Variants in PCSK5 observed in about 807,000 individuals in gnomAD.
The protein encoded by PCSK5 is prohormone convertase 5.
Under a neutral mutation model 233.2 loss-of-function variants are expected in PCSK5, and 129 were observed. The ratio of observed to expected loss-of-function variants is 0.55; its 90% CI spans 0.48 to 0.64. The LOEUF is 0.64. PCSK5 is among the 30% of genes least tolerant of loss of function. The pLI is 0.00. For synonymous variants in PCSK5, 825 were observed against 879.2 expected (o/e 0.94, Z 1.09); for missense variants, 2,076 against 2,430.1 (o/e 0.85, Z 3.06).
At chr9:76,167,836 T>C (rs1217284259) in intron 12 of PCSK5, among the ~76,000 whole-genome samples, 2 of 150,972 alleles carry the variant, frequency 1.3e-5, no homozygotes, top group Non-Finnish European at 2.9e-5. Context: ...CATCAAACTT[T>C]AGTTACCATA....
At chr9:76,235,208 A>C (rs192932105) in intron 22 of PCSK5, among the ~76,000 whole-genome samples, 57 of 152,350 alleles carry the variant, frequency 3.7e-4, no homozygotes, top group African/African-American at 1.3e-3. Flanking sequence ...TAAGACCAGC[A>C]GTCAGAAAAT....
At chr9:76,028,378 A>G (rs1828515664) in intron 5 of PCSK5, among the ~76,000 whole-genome samples, 1 of 152,180 alleles carries the variant, frequency 6.6e-6, no homozygotes, top group Non-Finnish European at 1.5e-5. Context: ...TTATTGCTCA[A>G]ATCAGCCTCC....
intron 2 of PCSK5, among the ~76,000 whole-genome samples, chr9:75,933,408 G>C (rs969802628): frequency 6.6e-6 from 1 of 152,032 alleles, no homozygotes; most frequent in African/African-American, 2.4e-5. Flanking sequence ...CCCTCCTTAC[G>C]ATTTGGGTTT....
At chr9:76,257,091 A>G (rs1208699816) in intron 24 of PCSK5, among the ~76,000 whole-genome samples, 1 of 152,192 alleles carries the variant, frequency 6.6e-6, no homozygotes, top group Non-Finnish European at 1.5e-5. Context: ...CTGTTGGTGT[A>G]TCTGAAGCCA....
intron 7 of PCSK5, among the ~76,000 whole-genome samples, chr9:76,080,005 C>G (rs1009526728): frequency 6.6e-6 from 1 of 152,186 alleles, no homozygotes; most frequent in African/African-American, 2.4e-5. Context: ...TGCATCCCAA[C>G]TTGATCATGG....
In PCSK5 at chr9:76,085,497, A is replaced by G. The variant is rs112732392; in HGVS notation, c.895-10393A>G. 5.0e-3 allele frequency among the ~76,000 whole-genome samples: 755 copies of G among 152,328 alleles called. 8 individuals carry two copies. Among genetic ancestry groups the G allele is most frequent in the African/African-American group, 0.015 (611 of 41,586 alleles). The stretch of plus-strand genomic sequence containing the variant: ...CACATATGAAGTATGCAGTCCTGCA[A>G]TGGGTTTCTTTTAAAAGGAAGGGCC... On this transcript the variant is annotated intron_variant, in intron 7 of 37. Transcript: ENST00000674117.
At chr9:75,980,941 A>G (rs547542943) in intron 2 of PCSK5, among the ~76,000 whole-genome samples, 1 of 152,156 alleles carries the variant, frequency 6.6e-6, no homozygotes, top group Non-Finnish European at 1.5e-5. Flanking sequence ...TAAAAACAAC[A>G]CCCAAGATGC....
intron 13 of PCSK5, among the ~76,000 whole-genome samples, chr9:76,174,159 G>A (rs956171287): frequency 6.6e-6 from 1 of 152,024 alleles, no homozygotes; most frequent in Non-Finnish European, 1.5e-5. Context: ...ATAATCAAAT[G>A]TTTAATGGCT....
intron 24 of PCSK5, among the ~76,000 whole-genome samples, chr9:76,291,086 A>C (rs190572356): frequency 3.3e-5 from 5 of 152,268 alleles, no homozygotes; most frequent in Non-Finnish European, 4.4e-5. Flanking sequence ...AAGGTTCTGC[A>C]GATCCCTGCT....
At chr9:75,990,524 T>C (rs1826723638) in intron 3 of PCSK5, among the ~76,000 whole-genome samples, 1 of 152,172 alleles carries the variant, frequency 6.6e-6, no homozygotes, top group Non-Finnish European at 1.5e-5. Context: ...AGTTGGAGGG[T>C]TAATCCTAGA....
chr9:76,207,247 A>G (rs1399589794), intron 20 of PCSK5, among the ~76,000 whole-genome samples: 1 of 152,202 alleles, frequency 6.6e-6, no homozygotes, highest in Non-Finnish European at 1.5e-5. Context: ...GGTAATACTC[A>G]CAGGTCCCAG....
In PCSK5 at chr9:76,362,745, T is replaced by C. The variant is rs1830450286; in HGVS notation, c.*3823T>C. ...TTATCTATAGATTCCAGACATTGTA[T>C]GGAAGAGCATTGTAAAAATCCCTGT... On this transcript the variant is annotated 3_prime_UTR_variant, in exon 38 of 38. Transcript: ENST00000674117. 6.6e-6 allele frequency among the ~76,000 whole-genome samples: 1 copy of C among 152,264 alleles called. No homozygotes were observed. The highest frequency in any genetic ancestry group is 1.5e-5 in the Non-Finnish European group (1 of 68,042).
At chr9:76,331,666 CAAAA>C (rs368431038) in intron 33 of PCSK5, among the ~76,000 whole-genome samples, 1 of 119,648 alleles carries the variant, frequency 8.4e-6, no homozygotes. Flanking sequence ...GACTCCATCT[CAAAA>C]AAAAAAAAAA....
chr9:76,203,924 G>C (rs955402061), intron 20 of PCSK5, among the ~76,000 whole-genome samples: 1 of 152,218 alleles, frequency 6.6e-6, no homozygotes, highest in Non-Finnish European at 1.5e-5. Flanking sequence ...TGTGATCTTA[G>C]GGAACACATT....
chr9:76,232,026 G>T, intron 21 of PCSK5, among the ~76,000 whole-genome samples: 1 of 152,174 alleles, frequency 6.6e-6, no homozygotes, highest in East Asian at 1.9e-4. Context: ...GGGAATGAAT[G>T]AGATGGAAGA....
intron 24 of PCSK5, among the ~76,000 whole-genome samples, chr9:76,286,061 T>C (rs936552285): frequency 1.3e-5 from 2 of 152,236 alleles, no homozygotes; most frequent in Non-Finnish European, 2.9e-5. Context: ...AAATTAGTAC[T>C]AGTAACCTTT....
intron 10 of PCSK5, among the ~76,000 whole-genome samples, chr9:76,147,802 G>T (rs185543995): frequency 3.3e-4 from 50 of 152,272 alleles, no homozygotes; most frequent in African/African-American, 9.9e-4. Flanking sequence ...TAAGGAAGTT[G>T]TGAAAGGTTT....
intron 24 of PCSK5, among the ~76,000 whole-genome samples, chr9:76,256,343 G>C (rs1826980787): frequency 6.6e-6 from 1 of 152,246 alleles, no homozygotes; most frequent in Non-Finnish European, 1.5e-5. Context: ...TGTGAGCCAA[G>C]TCTGTCTGGA....
At chr9:76,159,877 C>A (rs1275253891) in intron 12 of PCSK5, among the ~76,000 whole-genome samples, 1 of 132,632 alleles carries the variant, frequency 7.5e-6, no homozygotes, top group South Asian at 2.4e-4. Context: ...GGCTGGAGTG[C>A]GGTGGTGTGA....
Sources: gnomAD v4.1 joint callset for allele counts (sites outside exome capture counted in the v4.1 genomes callset) on GRCh38, gnomAD v4.1.1 for gene constraint, MANE v1.5 for transcripts, NCBI Gene and HGNC (gene_info 2026-07-23, HGNC 2026-07-21) for gene names.